BBS9: variants seen among roughly 807,000 people sequenced by gnomAD.
BBS9 encodes protein PTHB1.
Under a neutral mutation model 117.7 loss-of-function variants are expected in BBS9, and 89 were observed. The ratio of observed to expected loss-of-function variants is 0.76; its 90% CI spans 0.64 to 0.90. The LOEUF (loss-of-function observed/expected upper bound fraction) is 0.90, where lower values mean the gene tolerates loss of function less well. BBS9 is among the 40% of genes least tolerant of loss of function. The pLI, the probability that BBS9 is intolerant of heterozygous loss-of-function variation, is 0.00. For synonymous variants in BBS9, 379 were observed against 370.9 expected, an observed-to-expected ratio of 1.02 and a Z score of -0.25; for missense variants, 982 against 1,042.2, an observed-to-expected ratio of 0.94 and a Z score of 0.80.
intron 2 of BBS9, among the ~76,000 whole-genome samples, chr7:33,146,639 C>T (rs1410770801): frequency 2.9e-5 from 4 of 138,836 alleles, no homozygotes; most frequent in South Asian, 2.4e-4. Context: ...GCAGAGGTTG[C>T]GGTGAGCTGA....
Position 33,336,489 on chromosome 7 carries a change from G to A in BBS9, c.1065G>A (p.Gln355=), listed in dbSNP as rs756380526. Residue 355 remains glutamine, a synonymous_variant, in exon 10 of 23, where the codon CAG becomes CAA. Coordinates refer to ENST00000242067, the MANE Select transcript of BBS9 (RefSeq NM_198428.3). ...IVTLSDDGHL[Q]CSYLGTDPSL... ...CTCTGAGTGATGATGGTCACTTGCA[G>A]TGTTCATACCTGGGGACAGATCCTT... 1 of 1,613,876 alleles carries A rather than the reference G, an allele frequency of 6.2e-7. No homozygotes were observed. The highest frequency in any genetic ancestry group is 8.5e-7 in the Non-Finnish European group (1 of 1,179,882).
At chr7:33,613,829 A>G (rs531363804) in intron 21 of BBS9, among the ~76,000 whole-genome samples, 6 of 152,178 alleles carry the variant, frequency 3.9e-5, no homozygotes, top group African/African-American at 1.2e-4. Context: ...ATTATATTAC[A>G]GAGAAAGACA....
chr7:33,387,920 T>G, intron 18 of BBS9, 72 bp from the exon 19 acceptor site: 3 of 1,480,852 alleles, frequency 2.0e-6, no homozygotes, highest in Non-Finnish European at 2.8e-6. Flanking sequence ...TTTATTATCA[T>G]TGTGTGTATT....
At chr7:33,143,039 G>A (rs1013135055) in intron 1 of BBS9, among the ~76,000 whole-genome samples, 3 of 151,798 alleles carry the variant, frequency 2.0e-5, no homozygotes, top group Non-Finnish European at 4.4e-5. Context: ...GCGCGATCTC[G>A]GCTCACTGCA....
intron 6 of BBS9, 126 bp downstream of exon 6, chr7:33,257,536 A>T: frequency 1.1e-6 from 1 of 887,070 alleles, no homozygotes; most frequent in Non-Finnish European, 1.8e-6. Flanking sequence ...AAAATATGTG[A>T]TTGTGGTGAC....
intron 5 of BBS9, among the ~76,000 whole-genome samples, chr7:33,226,330 C>T (rs1791266679): frequency 1.3e-5 from 2 of 152,082 alleles, no homozygotes; most frequent in South Asian, 4.1e-4. Flanking sequence ...TAAACAAATA[C>T]ACAGGTCTAC....
At chr7:33,397,215 A>C (rs1185776437) in intron 19 of BBS9, among the ~76,000 whole-genome samples, 1 of 152,212 alleles carries the variant, frequency 6.6e-6, no homozygotes, top group Admixed American at 6.5e-5. Flanking sequence ...AAATATTTGA[A>C]AAAGCTCGGC....
intron 19 of BBS9, among the ~76,000 whole-genome samples, chr7:33,433,780 A>G (rs977197585): frequency 1.3e-5 from 2 of 152,136 alleles, no homozygotes; most frequent in African/African-American, 4.8e-5. Context: ...ATAACCTTAT[A>G]TATTTTTATT....
intron 21 of BBS9, among the ~76,000 whole-genome samples, chr7:33,546,133 C>T (rs569154671): frequency 6.6e-6 from 1 of 152,008 alleles, no homozygotes; most frequent in South Asian, 2.1e-4. Flanking sequence ...CAGGGTTTCA[C>T]TATGTTAGCC....
At chr7:33,299,375 T>C (rs1805915590) in intron 9 of BBS9, among the ~76,000 whole-genome samples, 1 of 152,000 alleles carries the variant, frequency 6.6e-6, no homozygotes, top group Non-Finnish European at 1.5e-5. Context: ...TTGTATATGA[T>C]GTGCTGAAAT....
intron 21 of BBS9, among the ~76,000 whole-genome samples, chr7:33,573,429 T>A (rs938157143): frequency 6.6e-6 from 1 of 152,126 alleles, no homozygotes; most frequent in Non-Finnish European, 1.5e-5. Context: ...TTTTGCACTT[T>A]GATTTTGCAG....
At chr7:33,502,287 G>C (rs1480826240) in intron 19 of BBS9, among the ~76,000 whole-genome samples, 2 of 152,068 alleles carry the variant, frequency 1.3e-5, no homozygotes, top group Non-Finnish European at 2.9e-5. Context: ...GGGAAGAAGG[G>C]GAAGGGTAGG....
At chr7:33,266,384 C>T (rs1314406352) in intron 7 of BBS9, among the ~76,000 whole-genome samples, 1 of 152,158 alleles carries the variant, frequency 6.6e-6, no homozygotes, top group Non-Finnish European at 1.5e-5. Flanking sequence ...TCCTGTGTTA[C>T]TCACAGCTAC....
chr7:33,242,887 C>T (rs1332684412), intron 5 of BBS9: 2 of 513,804 alleles, frequency 3.9e-6, no homozygotes, highest in Non-Finnish European at 7.8e-6. Context: ...GTTGGAGAAA[C>T]AGTAGGAAGG....
At chr7:33,244,019 G>A (rs1794940186) in intron 5 of BBS9, among the ~76,000 whole-genome samples, 1 of 152,064 alleles carries the variant, frequency 6.6e-6, no homozygotes, top group Admixed American at 6.5e-5. Flanking sequence ...AGGTCAGGAG[G>A]TTCAAGACCA....
At position 33,393,170 on chromosome 7, in the gene BBS9, C is replaced by T. The variant is rs563225492; in HGVS notation, c.2115+5026C>T. ...AACAGTGTGAGACCCTGTCTCAAAACAAACAAACAAACAAACAAACAAAAA... is the reference window on the plus strand; with the variant it reads ...AACAGTGTGAGACCCTGTCTCAAAATAAACAAACAAACAAACAAACAAAAA... On this transcript the variant is annotated intron_variant, in intron 19 of 22. Transcript: ENST00000242067. Among the ~76,000 whole-genome samples the T allele has an allele frequency of 4.7e-5, 7 of 150,120 alleles. No homozygotes were observed. The South Asian group carries it at 1.1e-3, about 23-fold the overall frequency.
intron 16 of BBS9, among the ~76,000 whole-genome samples, chr7:33,365,815 G>A (rs759223490): frequency 2.6e-5 from 4 of 152,250 alleles, no homozygotes; most frequent in Non-Finnish European, 5.9e-5. Flanking sequence ...AGCCCGAGAT[G>A]GGAGCATGGA....
chr7:33,174,679 A>G (rs1797071006), intron 4 of BBS9, among the ~76,000 whole-genome samples: 1 of 152,234 alleles, frequency 6.6e-6, no homozygotes, highest in Non-Finnish European at 1.5e-5. Flanking sequence ...TGTACAGAAA[A>G]ACCTTTAGGC....
intron 19 of BBS9, chr7:33,390,203 A>G: frequency 1.4e-5 from 14 of 979,090 alleles, no homozygotes; most frequent in Non-Finnish European, 1.5e-5. Flanking sequence ...GGTATGGTCA[A>G]CCTTGTATTT....
Sources: allele counts gnomAD v4.1 joint callset (sites outside exome capture counted in the v4.1 genomes callset), GRCh38; gene constraint gnomAD v4.1.1; transcripts MANE v1.5; gene names NCBI Gene and HGNC (gene_info 2026-07-23, HGNC 2026-07-21).